The following PFKFB3 variants were observed in gnomAD, a reference collection of about 807,000 sequenced individuals.
PFKFB3 encodes the protein 6-phosphofructo-2-kinase/fructose-2,6-biphosphatase 3, also known as 6-phosphofructo-2-kinase/fructose-2,6-bisphosphatase 3.
PFKFB3 carries 33 observed loss-of-function variants against 68.0 expected under a neutral mutation model. The ratio of observed to expected loss-of-function variants is 0.49; its 90% CI spans 0.37 to 0.65. The LOEUF (loss-of-function observed/expected upper bound fraction) is 0.65, where lower values mean the gene tolerates loss of function less well. Ranked by LOEUF, PFKFB3 falls within the 30% of genes least tolerant of loss-of-function variation. The probability of loss-of-function intolerance (pLI) is 0.00; values close to 1 mark genes in which losing one functional copy is unlikely to be tolerated. For missense variants in PFKFB3, 586 were observed against 712.2 expected (o/e 0.82, Z 2.02); for synonymous variants, 315 against 288.2 (o/e 1.09, Z -0.94).
chr10:6,186,857 T>C (rs757887991), intron 1 of PFKFB3, among the ~76,000 whole-genome samples: 4 of 152,130 alleles, frequency 2.6e-5, no homozygotes, highest in Non-Finnish European at 4.4e-5. Context: ...TGAAAAAGTA[T>C]GTTATAGGAA....
intron 1 of PFKFB3, among the ~76,000 whole-genome samples, chr10:6,169,825 TC>T (rs1842252597): frequency 6.6e-6 from 1 of 152,206 alleles, no homozygotes; most frequent in African/African-American, 2.4e-5. Context: ...TCTGCCTGGC[TC>T]CCGGTTTTAT....
chr10:6,262,323 G>C, the PFKFB3 span, among the ~76,000 whole-genome samples: 49 of 150,600 alleles, frequency 3.3e-4, no homozygotes, highest in East Asian at 2.0e-4. Flanking sequence ...GTGGGGTGGG[G>C]GGTGCCTGTA....
chr10:6,293,208 C>G, the PFKFB3 span: 1 of 467,394 alleles, frequency 2.1e-6, no homozygotes. Flanking sequence ...ACTCGAGTCC[C>G]AGATGTTGAC....
At chr10:6,262,176 CG>C in the PFKFB3 span, among the ~76,000 whole-genome samples, 1 of 151,782 alleles carries the variant, frequency 6.6e-6, no homozygotes. Context: ...AGCTGTTGGC[CG>C]GGCGTGGTGG....
downstream of PFKFB3, among the ~76,000 whole-genome samples, chr10:6,258,236 G>A (rs1466591100): frequency 2.0e-5 from 3 of 152,148 alleles, no homozygotes; most frequent in Non-Finnish European, 4.4e-5. Flanking sequence ...AAAAAAGTCT[G>A]GGAGGAAACA....
At chr10:6,177,325 C>T (rs549652590) in intron 1 of PFKFB3, among the ~76,000 whole-genome samples, 62 of 146,270 alleles carry the variant, frequency 4.2e-4, no homozygotes, top group Non-Finnish European at 7.4e-4. Flanking sequence ...GTCAATAAAA[C>T]GGAGTTTGTG....
chr10:6,305,703 C>G, the PFKFB3 span, among the ~76,000 whole-genome samples: 1 of 152,206 alleles, frequency 6.6e-6, no homozygotes, highest in Non-Finnish European at 1.5e-5. Flanking sequence ...CTGTGAGCTG[C>G]TGACTTTCCT....
At chr10:6,199,203 T>C (rs1400354315), upstream of PFKFB3, among the ~76,000 whole-genome samples, 1 of 152,238 alleles carries the variant, frequency 6.6e-6, no homozygotes, top group Non-Finnish European at 1.5e-5. Context: ...GCTCCCAGAC[T>C]ACCATGCTTG....
In PFKFB3 at chr10:6,191,580, C is replaced by G. The variant is rs1046051345; in HGVS notation, c.17-22043C>G. Among the ~76,000 whole-genome samples the G allele has an allele frequency of 3.9e-5, 6 of 152,214 alleles. No homozygotes were observed. The South Asian group carries it at 8.3e-4, about 21-fold the overall frequency. ...TAGAGCTGGGATGGGGGCTCGGGCC[C>G]CCCCTAGAATCACAGGATCCTTACG... On this transcript the variant is annotated intron_variant, in intron 1 of 14. Coordinates refer to the PFKFB3 transcript ENST00000379789.
chr10:6,302,362 GTTTTT>G, the PFKFB3 span, among the ~76,000 whole-genome samples: 521 of 78,512 alleles, frequency 6.6e-3, 74 homozygotes, highest in East Asian at 0.047. Context: ...TGCCTGGCCA[GTTTTT>G]TTTTTTTTTT....
At chr10:6,290,379 A>T in the PFKFB3 span, among the ~76,000 whole-genome samples, 1 of 152,080 alleles carries the variant, frequency 6.6e-6, no homozygotes, top group East Asian at 1.9e-4. Context: ...GATATGTCCC[A>T]TCAATACCTA....
chr10:6,295,527 A>ATT, the PFKFB3 span, among the ~76,000 whole-genome samples: 1 of 147,668 alleles, frequency 6.8e-6, no homozygotes. Flanking sequence ...CACCCAGCCA[A>ATT]TTTTTTTTTT....
Position 6,196,923 on chromosome 10 carries a change from C to T in PFKFB3, c.17-16700C>T, listed in dbSNP as rs913245870. Among the ~76,000 whole-genome samples the T allele has an allele frequency of 1.9e-4, 27 of 142,996 alleles. 1 individual carries two copies. The highest frequency in any genetic ancestry group is 7.8e-4 in the African/African-American group (26 of 33,432). The allele number at this position is 142,996 out of a possible 152,430, so 93.8% of individuals were successfully genotyped here. On this transcript the variant is annotated intron_variant, in intron 1 of 14. Transcript: ENST00000379789. ...CTCCCAAAGTGCTGGGATTACAGGC[C>T]TGAGCCACTGTACCTGGCTTGTTTT...
chr10:6,322,405 A>T, the PFKFB3 span, among the ~76,000 whole-genome samples: 1 of 152,136 alleles, frequency 6.6e-6, no homozygotes, highest in Non-Finnish European at 1.5e-5. Context: ...CTGGCTCATG[A>T]TAATAGAGTC....
upstream of PFKFB3, chr10:6,202,896 G>C (rs898818154): frequency 4.4e-6 from 5 of 1,123,978 alleles, no homozygotes; most frequent in East Asian, 2.8e-4. Context: ...CGGCCAGCCC[G>C]GACTCTTTAA....
At chr10:6,252,817 A>G (rs1323060950) in intron 14 of PFKFB3, among the ~76,000 whole-genome samples, 4 of 152,272 alleles carry the variant, frequency 2.6e-5, no homozygotes, top group Non-Finnish European at 5.9e-5. Flanking sequence ...AGAAGGATAC[A>G]TAGCACACTG....
At chr10:6,303,553 G>A in the PFKFB3 span, among the ~76,000 whole-genome samples, 10 of 152,194 alleles carry the variant, frequency 6.6e-5, 1 homozygote, top group South Asian at 1.4e-3. Flanking sequence ...GGTGGCTCAC[G>A]CCTGTAATCC....
intron 1 of PFKFB3, among the ~76,000 whole-genome samples, chr10:6,169,158 T>C (rs1047496539): frequency 1.3e-5 from 2 of 152,120 alleles, no homozygotes; most frequent in African/African-American, 4.8e-5. Context: ...GCCAGGATGG[T>C]CTCGAACTCT....
At chr10:6,164,024 G>A (rs1564591400) in intron 1 of PFKFB3, 1 of 152,606 alleles carries the variant, frequency 6.6e-6, no homozygotes, top group African/African-American at 2.4e-5. Context: ...GTTTTTGCGC[G>A]TCCCGGCGTT....
Sources: gnomAD v4.1 joint callset for allele counts (sites outside exome capture counted in the v4.1 genomes callset) on GRCh38, gnomAD v4.1.1 for gene constraint, MANE v1.5 for transcripts, NCBI Gene and HGNC (gene_info 2026-07-23, HGNC 2026-07-21) for gene names.